Variants in ITGBL1 observed in about 807,000 individuals in gnomAD.
ITGBL1 encodes integrin beta-like protein 1.
Under a neutral mutation model 68.5 loss-of-function variants are expected in ITGBL1, and 51 were observed. The ratio of observed to expected loss-of-function variants is 0.74; its 90% CI spans 0.59 to 0.94. ITGBL1 has a LOEUF of 0.94. ITGBL1 is among the 40% of genes least tolerant of loss of function. The pLI is 0.00. For synonymous variants in ITGBL1, 209 were observed against 227.3 expected, an observed-to-expected ratio of 0.92 and a Z score of 0.72; for missense variants, 649 against 647.4, an observed-to-expected ratio of 1.00 and a Z score of -0.03.
In ITGBL1 at chr13:101,598,277, G is replaced by A. The variant is rs762080402; in HGVS notation, c.993G>A (p.Ser331=). The A allele has an allele frequency of 2.9e-5, 46 of 1,612,500 alleles. No homozygotes were observed. The highest frequency in any genetic ancestry group is 1.8e-4 in the South Asian group (16 of 90,890). Residue 331 remains serine, a synonymous_variant, in exon 7 of 11, where the codon TCG becomes TCA. Coordinates refer to ENST00000376180, the MANE Select transcript of ITGBL1 (RefSeq NM_004791.3). ...GCATCAGGAAGTGCCAGGGAAGCTCGGATCTGCCTTGCTCTGGGAGGGGTA... is the reference window on the plus strand; with the variant it reads ...GCATCAGGAAGTGCCAGGGAAGCTCAGATCTGCCTTGCTCTGGGAGGGGTA... ...EESIRKCQGS[S]DLPCSGRGKC... is the part of the protein sequence containing the mutation.
chr13:101,528,057 T>G (rs1477469029), intron 2 of ITGBL1, among the ~76,000 whole-genome samples: 1 of 151,868 alleles, frequency 6.6e-6, no homozygotes, highest in Non-Finnish European at 1.5e-5. Flanking sequence ...CTTTAATGGC[T>G]CATATGTTTT....
chr13:101,622,675 C>A (rs753594430), intron 7 of ITGBL1, among the ~76,000 whole-genome samples: 4 of 152,122 alleles, frequency 2.6e-5, no homozygotes, highest in Non-Finnish European at 5.9e-5. Context: ...ACTACATGAG[C>A]GCACAGATGG....
At chr13:101,703,894 GCAGC>G in intron 8 of ITGBL1, among the ~76,000 whole-genome samples, 1 of 152,254 alleles carries the variant, frequency 6.6e-6, no homozygotes, top group Non-Finnish European at 1.5e-5. Flanking sequence ...TTGGCTGAAG[GCAGC>G]CAGATTCTCT....
At chr13:101,493,846 A>T (rs891278004) in intron 2 of ITGBL1, among the ~76,000 whole-genome samples, 3 of 152,236 alleles carry the variant, frequency 2.0e-5, no homozygotes, top group Non-Finnish European at 4.4e-5. Context: ...AGGTTATAGG[A>T]AACTTGGCTT....
chr13:101,541,966 T>C (rs2049713775), intron 2 of ITGBL1, among the ~76,000 whole-genome samples: 1 of 147,992 alleles, frequency 6.8e-6, no homozygotes, highest in African/African-American at 2.4e-5. Context: ...ATTAGTCTTG[T>C]TAGCAGTCTA....
At chr13:101,717,617 T>C (rs143875764), downstream of ITGBL1, 91 of 152,280 alleles carry the variant, frequency 6.0e-4, no homozygotes, top group African/African-American at 2.0e-3. Flanking sequence ...CTATTAAGGA[T>C]CAGAAAGTTA....
intron 6 of ITGBL1, among the ~76,000 whole-genome samples, chr13:101,589,944 C>A (rs192959807): frequency 6.6e-6 from 1 of 151,854 alleles, no homozygotes; most frequent in Admixed American, 6.6e-5. Flanking sequence ...TCAGAAATAG[C>A]AATGGGATAT....
intron 2 of ITGBL1, among the ~76,000 whole-genome samples, chr13:101,563,144 G>A (rs897654316): frequency 2.0e-5 from 3 of 151,048 alleles, no homozygotes; most frequent in Non-Finnish European, 4.4e-5. Flanking sequence ...GTGGATTGCA[G>A]CTAACATAGT....
intron 7 of ITGBL1, among the ~76,000 whole-genome samples, chr13:101,666,112 T>C (rs374591135): frequency 3.3e-5 from 5 of 152,288 alleles, no homozygotes; most frequent in African/African-American, 1.2e-4. Context: ...ATAAACTTAT[T>C]ATCTTTGGAG....
chr13:101,613,405 T>C (rs2031222605), intron 7 of ITGBL1, among the ~76,000 whole-genome samples: 1 of 152,126 alleles, frequency 6.6e-6, no homozygotes, highest in African/African-American at 2.4e-5. Flanking sequence ...ACGGATGTCA[T>C]AGAGTTTGGG....
At chr13:101,608,090 A>G (rs1201682908) in intron 7 of ITGBL1, among the ~76,000 whole-genome samples, 1 of 152,054 alleles carries the variant, frequency 6.6e-6, no homozygotes, top group Non-Finnish European at 1.5e-5. Flanking sequence ...GAAATGGGGG[A>G]AGAATGATAG....
intron 2 of ITGBL1, among the ~76,000 whole-genome samples, chr13:101,457,938 A>C (rs1048316927): frequency 1.3e-5 from 2 of 152,236 alleles, no homozygotes; most frequent in Admixed American, 6.5e-5. Context: ...CACTTAAATA[A>C]TGTATTGTTT....
intron 9 of ITGBL1, chr13:101,712,842 T>G (rs760886678): frequency 6.6e-6 from 1 of 152,116 alleles, no homozygotes; most frequent in South Asian, 2.1e-4. Flanking sequence ...ATCAGGAAAT[T>G]CCTCACCTTG....
chr13:101,617,761 T>C (rs1186534659), intron 7 of ITGBL1, among the ~76,000 whole-genome samples: 1 of 152,204 alleles, frequency 6.6e-6, no homozygotes, highest in Non-Finnish European at 1.5e-5. Context: ...CTGTTTTAAC[T>C]TTGGCTAGTG....
chr13:101,497,301 A>G (rs2048871009), intron 2 of ITGBL1, among the ~76,000 whole-genome samples: 1 of 152,214 alleles, frequency 6.6e-6, no homozygotes, highest in Non-Finnish European at 1.5e-5. Flanking sequence ...CTTTTAAGTA[A>G]ATCCTTTTGA....
intron 7 of ITGBL1, among the ~76,000 whole-genome samples, chr13:101,678,193 C>T (rs1264150467): frequency 1.3e-5 from 2 of 152,200 alleles, no homozygotes; most frequent in African/African-American, 4.8e-5. Flanking sequence ...CATACATTCT[C>T]ACATATGTGT....
chr13:101,540,229 A>G (rs570068394), intron 2 of ITGBL1, among the ~76,000 whole-genome samples: 6 of 152,256 alleles, frequency 3.9e-5, no homozygotes, highest in Admixed American at 6.5e-5. Context: ...TAATTTTTGT[A>G]TAAGGTGTAA....
chr13:101,507,924 CA>C (rs976994741), intron 2 of ITGBL1, among the ~76,000 whole-genome samples: 1 of 152,090 alleles, frequency 6.6e-6, no homozygotes, highest in Non-Finnish European at 1.5e-5. Context: ...TTTAAGGCAC[CA>C]AACCTTTTCT....
intron 7 of ITGBL1, among the ~76,000 whole-genome samples, chr13:101,690,882 A>G (rs980415066): frequency 4.7e-5 from 7 of 150,292 alleles, no homozygotes; most frequent in African/African-American, 1.7e-4. Context: ...ATTACAAACA[A>G]CAAAACCAAC....
Sources: allele counts gnomAD v4.1 joint callset (sites outside exome capture counted in the v4.1 genomes callset), GRCh38; gene constraint gnomAD v4.1.1; transcripts MANE v1.5; gene names NCBI Gene and HGNC (gene_info 2026-07-23, HGNC 2026-07-21).